The following NRXN3 variants were observed in gnomAD, a reference collection of about 807,000 sequenced individuals.
NRXN3 encodes the protein neurexin 3.
NRXN3 carries 32 observed loss-of-function variants against 137.6 expected under a neutral mutation model. That is an observed-to-expected ratio of 0.23 (90% confidence interval 0.18 to 0.31). The LOEUF (loss-of-function observed/expected upper bound fraction) is 0.31. NRXN3 is among the 10% of genes least tolerant of loss of function. The pLI is 1.00. For missense variants in NRXN3, 1,574 were observed against 2,062.5 expected, an observed-to-expected ratio of 0.76 and a Z score of 4.59; for synonymous variants, 798 against 784.5, an observed-to-expected ratio of 1.02 and a Z score of -0.29.
intron 16 of NRXN3, among the ~76,000 whole-genome samples, chr14:79,483,311 T>TA (rs1248883272): frequency 6.6e-6 from 1 of 152,156 alleles, no homozygotes; most frequent in African/African-American, 2.4e-5. Context: ...ATAAAAAGAA[T>TA]AAAAAACACC....
At chr14:78,968,388 A>C (rs1203372210) in intron 14 of NRXN3, 42 bp downstream of exon 14, 47 of 1,588,734 alleles carry the variant, frequency 3.0e-5, no homozygotes, top group Non-Finnish European at 4.0e-5. Flanking sequence ...GCCTTGTTGC[A>C]AGCACCAAGC....
At position 79,861,495 on chromosome 14, in the gene NRXN3, C is replaced by T; in HGVS notation, c.4247C>T (p.Ser1416Phe). 6.5e-7 allele frequency: 1 copy of T among 1,538,830 alleles called. No homozygotes were observed. Among genetic ancestry groups the T allele is most frequent in the Non-Finnish European group, 8.7e-7 (1 of 1,147,202 alleles). Residue 1416 changes from serine (S) to phenylalanine (F), a missense_variant, in exon 21 of 21, where the codon TCC becomes TTC. This residue lies in a region of NRXN3 where 320 missense variants were observed against 387.1 expected (regional missense o/e 0.83). Coordinates refer to ENST00000335750, the MANE Select transcript of NRXN3 (RefSeq NM_001330195.2). This position sits in a 1 kb window ranked among gnomAD's most constrained non-coding sequence, Gnocchi z 5.4. ...SPELIRFTAS[S>F]SSGMVPKLPA... ...GAGCTGATCCGCTTCACAGCTTCCT[C>T]CTCGTCTGGGATGGTGCCCAAATTG... is the stretch of plus-strand genomic sequence containing the variant.
intron 15 of NRXN3, among the ~76,000 whole-genome samples, chr14:79,340,225 T>C (rs1206058332): frequency 3.3e-5 from 5 of 151,400 alleles, no homozygotes; most frequent in African/African-American, 4.9e-5. Flanking sequence ...GAGATACAGA[T>C]AGACATTTCG....
rs569855024 is a variant in NRXN3 at position 79,365,725 on chromosome 14, C to CAAAAAAAAAAAAAA, written c.3263-101490_3263-101477dup. On this transcript the variant is annotated intron_variant, in intron 15 of 20. Coordinates refer to ENST00000335750, the MANE Select transcript of NRXN3 (RefSeq NM_001330195.2). ...TGGGCGACAGAGCGAGACTCTGTCT[C>CAAAAAAAAAAAAAA]AAAAAAAAAAAAAAAAAAAGAAAAA... 8.1e-3 allele frequency among the ~76,000 whole-genome samples: 339 copies of CAAAAAAAAAAAAAA among 42,064 alleles called. 17 individuals carry two copies. Among genetic ancestry groups the CAAAAAAAAAAAAAA allele is most frequent in the Non-Finnish European group, 0.01 (250 of 23,822 alleles). 27.6% of individuals were successfully genotyped at this position (42,064 alleles called of 152,430 possible).
At chr14:79,480,637 G>A (rs569883275) in intron 16 of NRXN3, among the ~76,000 whole-genome samples, 16 of 152,216 alleles carry the variant, frequency 1.1e-4, no homozygotes, top group Admixed American at 2.6e-4. Context: ...GCTTGGATCC[G>A]TGTCCCCATC....
At chr14:79,727,855 G>C (rs184587666) in intron 19 of NRXN3, among the ~76,000 whole-genome samples, 6 of 152,118 alleles carry the variant, frequency 3.9e-5, no homozygotes, top group African/African-American at 1.4e-4. Flanking sequence ...ACCAGGTTAC[G>C]AATGGCCCTT....
chr14:79,226,684 G>T (rs1473004960), intron 15 of NRXN3, among the ~76,000 whole-genome samples: 2 of 152,032 alleles, frequency 1.3e-5, no homozygotes, highest in Non-Finnish European at 2.9e-5. Context: ...AACAGGCATT[G>T]CCTCCCATTT....
rs150265121 is a variant in NRXN3 at position 79,051,241 on chromosome 14, C to A, written c.3262+63100C>A. 4.3e-3 allele frequency among the ~76,000 whole-genome samples: 649 copies of A among 152,204 alleles called. 2 individuals are homozygous for A. Among genetic ancestry groups the A allele is most frequent in the Middle Eastern group, 0.037 (11 of 294 alleles). On this transcript the variant is annotated intron_variant, in intron 15 of 20. Coordinates refer to ENST00000335750, the MANE Select transcript of NRXN3 (RefSeq NM_001330195.2). ...CCTCTGAAAAAAAAATAGCTAAAAC[C>A]TCAATGATGAAAACCTATGAGTGAC...
In NRXN3 at chr14:79,672,170, T is replaced by G. The variant is rs184889187; in HGVS notation, c.3616+8221T>G. Among the ~76,000 whole-genome samples, 20 of 152,228 alleles carry G rather than the reference T, an allele frequency of 1.3e-4. No homozygotes were observed. In the Middle Eastern group the frequency reaches 0.031, roughly 233 times the overall value. On this transcript the variant is annotated intron_variant, in intron 17 of 20. Coordinates refer to ENST00000335750, the MANE Select transcript of NRXN3 (RefSeq NM_001330195.2). The stretch of plus-strand genomic sequence containing the variant: ...CAACCCTCTGTAGGACTTTATAGGA[T>G]GCACATTTACATTTTCCCCATTTTT...
At chr14:78,396,940 C>T (rs995510203) in intron 4 of NRXN3, among the ~76,000 whole-genome samples, 2 of 152,128 alleles carry the variant, frequency 1.3e-5, no homozygotes, top group Non-Finnish European at 2.9e-5. Flanking sequence ...TTCTGGCTTA[C>T]AGATGAGAGA....
intron 16 of NRXN3, among the ~76,000 whole-genome samples, chr14:79,612,456 C>T (rs1335694122): frequency 6.6e-6 from 1 of 152,158 alleles, no homozygotes; most frequent in Non-Finnish European, 1.5e-5. Flanking sequence ...GACAGCCAGC[C>T]AAAGGGTGGC....
intron 15 of NRXN3, among the ~76,000 whole-genome samples, chr14:79,451,249 G>A (rs2096167155): frequency 6.6e-6 from 1 of 151,854 alleles, no homozygotes; most frequent in Non-Finnish European, 1.5e-5. Flanking sequence ...CAATCTCTAA[G>A]CTCTGCTGGG....
At chr14:78,962,338 A>ATT (rs145372240) in intron 11 of NRXN3, among the ~76,000 whole-genome samples, 7,219 of 152,232 alleles carry the variant, frequency 0.047, 574 homozygotes, top group East Asian at 0.38. Flanking sequence ...TATTTAGCAC[A>ATT]GTGCTTGCCT....
chr14:79,404,603 A>G (rs1055082131), intron 15 of NRXN3, among the ~76,000 whole-genome samples: 3 of 152,156 alleles, frequency 2.0e-5, no homozygotes, highest in African/African-American at 7.2e-5. Flanking sequence ...GATTTAAACT[A>G]GGGGCATACA....
At chr14:79,812,006 A>G (rs945085749) in intron 20 of NRXN3, among the ~76,000 whole-genome samples, 5 of 152,194 alleles carry the variant, frequency 3.3e-5, no homozygotes, top group African/African-American at 1.2e-4. Flanking sequence ...AAGAACAGAA[A>G]TATAAGAATA....
At chr14:79,009,468 T>C (rs1170243477) in intron 15 of NRXN3, among the ~76,000 whole-genome samples, 2 of 152,192 alleles carry the variant, frequency 1.3e-5, no homozygotes, top group African/African-American at 2.4e-5. Flanking sequence ...CTTACTTCTA[T>C]GCATGATTAA....
intron 16 of NRXN3, among the ~76,000 whole-genome samples, chr14:79,605,258 T>C (rs567754327): frequency 6.6e-6 from 1 of 152,274 alleles, no homozygotes; most frequent in South Asian, 2.1e-4. Flanking sequence ...TTGATAATTG[T>C]CCAGGGCCTC....
rs117803491 is a variant in NRXN3, at chr14:79,419,237, C to A, written c.3263-47984C>A. On this transcript the variant is annotated intron_variant, in intron 15 of 20. Coordinates refer to ENST00000335750, the MANE Select transcript of NRXN3 (RefSeq NM_001330195.2). ...TCTCTTTCTGTAATTCTTCTGAAAACAGATGGTCAGGGTAGAGAGCTGGTG... is the reference window on the plus strand; with the variant it reads ...TCTCTTTCTGTAATTCTTCTGAAAAAAGATGGTCAGGGTAGAGAGCTGGTG... 1.1e-4 allele frequency among the ~76,000 whole-genome samples: 16 copies of A among 152,182 alleles called. No homozygotes were observed. In the East Asian group the frequency reaches 3.1e-3, roughly 29 times the overall value.
At chr14:78,281,750 G>C (rs1311095116) in intron 3 of NRXN3, among the ~76,000 whole-genome samples, 6 of 152,186 alleles carry the variant, frequency 3.9e-5, no homozygotes, top group Non-Finnish European at 8.8e-5. Flanking sequence ...CCTCAGCACA[G>C]ATGGAGAAAA....
Sources: gnomAD v4.1 joint callset for allele counts (sites outside exome capture counted in the v4.1 genomes callset) on GRCh38, gnomAD v4.1.1 for gene constraint, gnomAD v4.1.1 regional missense constraint, Gnocchi (gnomAD v3.1) non-coding constraint, MANE v1.5 for transcripts, NCBI Gene and HGNC (gene_info 2026-07-23, HGNC 2026-07-21) for gene names.